Variants in MTMR7 observed in about 807,000 individuals in gnomAD.
MTMR7 encodes phosphatidylinositol-3-phosphate phosphatase MTMR7.
Under a neutral mutation model 81.2 loss-of-function variants are expected in MTMR7, and 76 were observed. The ratio of observed to expected loss-of-function variants is 0.94; its 90% confidence interval spans 0.78 to 1.13. The LOEUF is 1.13. Ranked by LOEUF, MTMR7 falls within the 50% of genes most tolerant of loss-of-function variation. The probability of loss-of-function intolerance (pLI) is 0.00; values close to 1 mark genes in which losing one functional copy is unlikely to be tolerated. For missense variants in MTMR7, 1,044 were observed against 820.0 expected (o/e 1.27, Z -3.34); for synonymous variants, 372 against 289.8 (o/e 1.28, Z -2.88).
intron 7 of MTMR7, among the ~76,000 whole-genome samples, chr8:17,314,920 C>CT (rs1434504678): frequency 6.6e-6 from 1 of 152,122 alleles, no homozygotes; most frequent in Non-Finnish European, 1.5e-5. Context: ...CAGGAAGACA[C>CT]TATGTGTCTG....
chr8:17,396,912 A>G (rs2150581098), intron 1 of MTMR7, among the ~76,000 whole-genome samples: 1 of 152,062 alleles, frequency 6.6e-6, no homozygotes, highest in South Asian at 2.1e-4. Flanking sequence ...AGGCAGAGTT[A>G]GTTGTGAGGC....
In MTMR7 at chr8:17,408,688, T is replaced by G. The variant is rs78028179; in HGVS notation, c.24+4581A>C. On this transcript the variant is annotated intron_variant, in intron 1 of 13. Transcript: ENST00000180173. ...GTACCAAACTGACAGGAACAGCAGATGTGTATCAGCATCCAAAAAAGAGTA... is the reference window on the plus strand; with the variant it reads ...GTACCAAACTGACAGGAACAGCAGAGGTGTATCAGCATCCAAAAAAGAGTA... 9.6e-3 allele frequency among the ~76,000 whole-genome samples: 1,465 copies of G among 152,226 alleles called. 31 individuals carry two copies. Among genetic ancestry groups the G allele is most frequent in the African/African-American group, 0.032 (1,327 of 41,526 alleles).
At chr8:17,348,865 C>T (rs956837328) in intron 5 of MTMR7, 88 bp downstream of exon 5, 1 of 1,486,434 alleles carries the variant, frequency 6.7e-7, no homozygotes, top group East Asian at 2.3e-5. Context: ...AACACACACA[C>T]ACGCACAGCA....
chr8:17,329,307 T>C (rs764006267), intron 7 of MTMR7, among the ~76,000 whole-genome samples: 1 of 152,282 alleles, frequency 6.6e-6, no homozygotes, highest in East Asian at 1.9e-4. Flanking sequence ...TAAAAACAGA[T>C]AGTCAAACAT....
chr8:17,299,847 C>T lies in MTMR7; in HGVS notation c.*15G>A, dbSNP rs764665684. On this transcript the variant is annotated 3_prime_UTR_variant, in exon 14 of 14. Transcript: ENST00000180173. ...TGCTTATGTGTCCTTTACTTTGGAA[C>T]TCCAAAGGGAAACTTCAGGCAGTGA... is the stretch of plus-strand genomic sequence containing the variant. 2 of 1,612,992 alleles carry T rather than the reference C, an allele frequency of 1.2e-6. No individual in the cohort carries two copies. The highest frequency in any genetic ancestry group is 1.1e-5 in the South Asian group (1 of 91,002).
At chr8:17,318,354 C>A (rs1357021195) in intron 7 of MTMR7, among the ~76,000 whole-genome samples, 1 of 151,994 alleles carries the variant, frequency 6.6e-6, no homozygotes, top group Non-Finnish European at 1.5e-5. Flanking sequence ...GGGCTGAAGA[C>A]AAGTTTACAG....
At position 17,300,068 on chromosome 8, in the gene MTMR7, T is replaced by A; in HGVS notation, c.1777A>T (p.Ser593Cys). The part of the protein sequence containing the change: ...SGNMKSFPSR[S>C]PSQGDEDSAL... ...GAATCTTCATCGCCTTGTGAAGGGC[T>A]CCGGGATGGAAATGATTTCATATTC... Residue 593 changes from serine (S) to cysteine (C), a missense_variant, in exon 14 of 14, where the codon AGC becomes TGC. Ser to Cys is a moderately radical substitution (Grantham distance 112). Coordinates refer to ENST00000180173, the MANE Select transcript of MTMR7 (RefSeq NM_004686.5). 6.2e-7 allele frequency: 1 copy of A among 1,614,116 alleles called. No homozygotes were observed. The highest frequency in any genetic ancestry group is 8.5e-7 in the Non-Finnish European group (1 of 1,179,996).
At chr8:17,400,982 T>C (rs1195872297) in intron 1 of MTMR7, among the ~76,000 whole-genome samples, 1 of 152,188 alleles carries the variant, frequency 6.6e-6, no homozygotes, top group Non-Finnish European at 1.5e-5. Context: ...GGCTTGGGTG[T>C]ACAGAACACA....
chr8:17,351,661 T>C (rs1320728150), intron 4 of MTMR7, among the ~76,000 whole-genome samples: 8 of 152,206 alleles, frequency 5.3e-5, no homozygotes, highest in African/African-American at 1.7e-4. Flanking sequence ...ATACCAGTTA[T>C]GAGGATTTCT....
intron 1 of MTMR7, among the ~76,000 whole-genome samples, chr8:17,396,249 A>T (rs908905556): frequency 6.6e-6 from 1 of 152,134 alleles, no homozygotes. Flanking sequence ...AAAAAGCACC[A>T]TCATAAGAAC....
At chr8:17,361,385 C>T in intron 3 of MTMR7, 111 bp from the exon 4 acceptor site, 1 of 1,128,730 alleles carries the variant, frequency 8.9e-7, no homozygotes, top group Non-Finnish European at 1.3e-6. Flanking sequence ...ATCCCAACCC[C>T]CACCCCCAGC....
intron 1 of MTMR7, among the ~76,000 whole-genome samples, chr8:17,383,212 G>A (rs1820817506): frequency 6.6e-6 from 1 of 152,108 alleles, no homozygotes; most frequent in South Asian, 2.1e-4. Context: ...AAGTGCTGAT[G>A]CCAAATCCAG....
intron 7 of MTMR7, among the ~76,000 whole-genome samples, chr8:17,321,588 C>T (rs1200000060): frequency 1.3e-5 from 2 of 152,188 alleles, no homozygotes; most frequent in Admixed American, 6.5e-5. Flanking sequence ...AAGCGATTAG[C>T]GCCTGGATTT....
chr8:17,393,868 T>C (rs1821174212), intron 1 of MTMR7, among the ~76,000 whole-genome samples: 2 of 152,080 alleles, frequency 1.3e-5, no homozygotes, highest in African/African-American at 4.8e-5. Context: ...ACGTTGAAGA[T>C]AATAAAATAA....
chr8:17,405,558 C>G (rs1045316601), intron 1 of MTMR7, among the ~76,000 whole-genome samples: 1 of 151,980 alleles, frequency 6.6e-6, no homozygotes, highest in African/African-American at 2.4e-5. Context: ...CTTTATTACC[C>G]CGGACAGCAA....
At chr8:17,331,426 T>G in intron 6 of MTMR7, 144 bp from the exon 7 acceptor site, 1 of 828,282 alleles carries the variant, frequency 1.2e-6, no homozygotes, top group Non-Finnish European at 1.8e-6. Flanking sequence ...CACTGCAACC[T>G]TGTACTGAAC....
chr8:17,389,996 G>C (rs574862359), intron 1 of MTMR7, among the ~76,000 whole-genome samples: 2 of 151,898 alleles, frequency 1.3e-5, no homozygotes, highest in Non-Finnish European at 2.9e-5. Context: ...ACATGAATTG[G>C]GAAGATAAAG....
At chr8:17,360,140 C>T (rs1585088935) in intron 4 of MTMR7, among the ~76,000 whole-genome samples, 2 of 152,134 alleles carry the variant, frequency 1.3e-5, no homozygotes, top group East Asian at 1.9e-4. Context: ...AGAAAAATGT[C>T]ACAATATGTA....
intron 1 of MTMR7, among the ~76,000 whole-genome samples, chr8:17,385,135 T>C (rs375345851): frequency 1.3e-5 from 2 of 152,182 alleles, no homozygotes; most frequent in Admixed American, 6.5e-5. Flanking sequence ...TTCAAAAACA[T>C]AGTTAATATA....
Sources: gnomAD v4.1 joint callset for allele counts (sites outside exome capture counted in the v4.1 genomes callset) on GRCh38, gnomAD v4.1.1 for gene constraint, MANE v1.5 for transcripts, NCBI Gene and HGNC (gene_info 2026-07-23, HGNC 2026-07-21) for gene names.